The following RP1L1 variants were observed in gnomAD, a reference collection of about 807,000 sequenced individuals.
The protein encoded by RP1L1 is RP1 like 1.
Under a neutral mutation model 15.7 loss-of-function variants are expected in RP1L1, and 27 were observed. The ratio of observed to expected loss-of-function variants is 1.72; its 90% CI spans 1.27 to 2.38. RP1L1 has a LOEUF of 2.38. Among genes scored for constraint, RP1L1 ranks in the 30% most tolerant of loss-of-function variants. The pLI, the probability that RP1L1 is intolerant of heterozygous loss-of-function variation, is 0.00. For synonymous variants in RP1L1, 1,813 were observed against 1,276.7 expected, an observed-to-expected ratio of 1.42 and a Z score of -8.96; for missense variants, 4,798 against 3,075.9, an observed-to-expected ratio of 1.56 and a Z score of -13.24.
chr8:10,610,424 G>A lies in RP1L1; in HGVS notation c.3674C>T (p.Thr1225Ile), dbSNP rs1288030492. 1.2e-6 allele frequency: 2 copies of A among 1,613,764 alleles called. No individual in the cohort carries two copies. The highest frequency in any genetic ancestry group is 1.3e-5 in the African/African-American group (1 of 74,914). Residue 1225 changes from threonine to isoleucine, a missense_variant, in exon 4 of 4, where the codon ACA becomes ATA. Thr to Ile is a moderately conservative substitution (Grantham distance 89). Coordinates refer to ENST00000382483, the MANE Select transcript of RP1L1 (RefSeq NM_178857.6). ...TTTCAGGGGCAGCTCTGTCCCCTGT[G>A]TCACCAGGGTGCCGTCCATGGCACA... is the stretch of plus-strand genomic sequence containing the variant. Reference protein sequence around the residue: ...VPCAMDGTLVTQGTELPLKTS... With the variant: ...VPCAMDGTLVIQGTELPLKTS...
In RP1L1 at chr8:10,610,321, T is replaced by G; in HGVS notation, c.3777A>C (p.Pro1259=). 1 of 1,614,194 alleles carries G rather than the reference T, an allele frequency of 6.2e-7. No homozygotes were observed. Among genetic ancestry groups the G allele is most frequent in the Non-Finnish European group, 8.5e-7 (1 of 1,180,040 alleles). Residue 1259 remains proline, a synonymous_variant, in exon 4 of 4, where the codon CCA becomes CCC. Transcript: ENST00000382483. ...DLENQQQCCF[P]TFLNARACAC... ...CGCAGGCTCGGGCGTTCAAGAAGGT[T>G]GGGAAACAACACTGCTGTTGGTTTT... is the stretch of plus-strand genomic sequence containing the variant.
chr8:10,614,782 G>A (rs117434978), intron 3 of RP1L1, among the ~76,000 whole-genome samples: 10,122 of 151,678 alleles, frequency 0.067, 478 homozygotes, highest in Non-Finnish European at 0.1. Flanking sequence ...CCATCTCCTG[G>A]GGGGAGGGGG....
At chr8:10,627,850 A>T (rs1309677538) in intron 1 of RP1L1, among the ~76,000 whole-genome samples, 1 of 152,128 alleles carries the variant, frequency 6.6e-6, no homozygotes, top group Non-Finnish European at 1.5e-5. Flanking sequence ...AGAGTAACAG[A>T]GCAAGTAGGC....
chr8:10,631,378 A>AACACACATGCATTC (rs540747362), intron 1 of RP1L1, among the ~76,000 whole-genome samples: 5 of 3,786 alleles, frequency 1.3e-3, no homozygotes, highest in African/African-American at 2.0e-3. Flanking sequence ...CATGCACACA[A>AACACACATGCATTC]ACACACATGC....
At chr8:10,627,724 G>A (rs750537613) in intron 1 of RP1L1, among the ~76,000 whole-genome samples, 2 of 152,140 alleles carry the variant, frequency 1.3e-5, no homozygotes, top group Non-Finnish European at 2.9e-5. Flanking sequence ...CCCCTTAAGA[G>A]GAGGACATCT....
At chr8:10,628,512 C>A (rs966053562) in intron 1 of RP1L1, among the ~76,000 whole-genome samples, 1 of 152,120 alleles carries the variant, frequency 6.6e-6, no homozygotes, top group Non-Finnish European at 1.5e-5. Flanking sequence ...GAAGCCCAGG[C>A]TAAGAACCTG....
rs747539004 is a variant in RP1L1 at position 10,610,554 on chromosome 8, G to T, written c.3544C>A (p.Pro1182Thr). 6 of 1,613,548 alleles carry T rather than the reference G, an allele frequency of 3.7e-6. No individual in the cohort carries two copies. In the Admixed American group the frequency reaches 8.3e-5, roughly 22 times the overall value. ...LWELTWSQAL[P>T]DLGSHAMTEN... is the part of the protein sequence containing the mutation. The stretch of plus-strand genomic sequence containing the variant: ...GTCATGGCATGGGACCCAAGGTCTG[G>T]CAGAGCCTGGCTCCATGTGAGCTCC... The change falls in exon 4 of 4, where the codon CCA becomes ACA. Residue 1182 changes from proline (P) to threonine (T), a missense_variant. Physicochemically the swap from Pro to Thr is conservative, Grantham distance 38. Transcript: ENST00000382483.
chr8:10,638,193 A>T (rs948000132), intron 1 of RP1L1, among the ~76,000 whole-genome samples: 3 of 152,278 alleles, frequency 2.0e-5, no homozygotes, highest in African/African-American at 7.2e-5. Flanking sequence ...GAACCCAAAA[A>T]TACCGATATG....
At chr8:10,629,368 A>G (rs532855104) in intron 1 of RP1L1, among the ~76,000 whole-genome samples, 7 of 152,306 alleles carry the variant, frequency 4.6e-5, no homozygotes, top group African/African-American at 1.7e-4. Flanking sequence ...ATAGTCACAG[A>G]TAGATGGAGC....
intron 1 of RP1L1, among the ~76,000 whole-genome samples, chr8:10,652,367 G>T (rs552421765): frequency 6.6e-6 from 1 of 152,186 alleles, no homozygotes; most frequent in African/African-American, 2.4e-5. Flanking sequence ...AGAAGGGTTG[G>T]GGGCCTCCTC....
chr8:10,611,943 G>A lies in RP1L1; in HGVS notation c.2155C>T (p.Leu719=). 1 of 1,613,904 alleles carries A rather than the reference G, an allele frequency of 6.2e-7. No individual in the cohort carries two copies. Among genetic ancestry groups the A allele is most frequent in the South Asian group, 1.1e-5 (1 of 91,092 alleles). The change falls in exon 4 of 4, where the codon CTG becomes TTG. Residue 719 remains leucine (L), a synonymous_variant. Coordinates refer to ENST00000382483, the MANE Select transcript of RP1L1 (RefSeq NM_178857.6). Reference sequence around the variant, plus strand: ...AGAGAGCCCGAGGAGGGAGGTCTCAGGTTCCCAGAGGCCTGTGTCCTGGTG... The same window carrying A: ...AGAGAGCCCGAGGAGGGAGGTCTCAAGTTCCCAGAGGCCTGTGTCCTGGTG... The part of the protein sequence containing the change: ...SSTRTQASGN[L]RPPSSGSLPS...
intron 1 of RP1L1, among the ~76,000 whole-genome samples, chr8:10,633,234 C>A (rs1798278652): frequency 6.6e-6 from 1 of 152,178 alleles, no homozygotes; most frequent in African/African-American, 2.4e-5. Flanking sequence ...AAGCCGCAGC[C>A]AGGTCAGGGA....
intron 1 of RP1L1, among the ~76,000 whole-genome samples, chr8:10,637,024 G>A (rs180839464): frequency 6.6e-6 from 1 of 152,334 alleles, no homozygotes; most frequent in Admixed American, 6.5e-5. Context: ...ACAAAGCATC[G>A]TCACTCACTC....
At chr8:10,645,742 G>A (rs745917851) in intron 1 of RP1L1, among the ~76,000 whole-genome samples, 7 of 152,128 alleles carry the variant, frequency 4.6e-5, no homozygotes, top group Non-Finnish European at 7.3e-5. Context: ...GGACACCTGC[G>A]AGTGATGGCA....
intron 1 of RP1L1, among the ~76,000 whole-genome samples, chr8:10,646,260 A>G (rs1403478371): frequency 1.3e-5 from 2 of 152,106 alleles, no homozygotes; most frequent in Non-Finnish European, 2.9e-5. Context: ...TCTCCATTTT[A>G]TGGTGGAGGA....
At chr8:10,620,710 G>A (rs1023173857) in intron 2 of RP1L1, among the ~76,000 whole-genome samples, 1 of 152,236 alleles carries the variant, frequency 6.6e-6, no homozygotes. Context: ...AGGCAACAAG[G>A]AAGTTCTGTG....
chr8:10,613,818 G>C (rs1186811072), intron 3 of RP1L1, among the ~76,000 whole-genome samples: 1 of 151,776 alleles, frequency 6.6e-6, no homozygotes, highest in African/African-American at 2.4e-5. Context: ...AGCATGATAA[G>C]GGCAGAGCTA....
intron 2 of RP1L1, among the ~76,000 whole-genome samples, chr8:10,618,624 C>T (rs546108877): frequency 2.6e-5 from 4 of 152,120 alleles, no homozygotes; most frequent in South Asian, 2.1e-4. Context: ...CCCAGGAGGT[C>T]GAGGCTGCAA....
In RP1L1 at chr8:10,610,647, G is replaced by C; in HGVS notation, c.3451C>G (p.Leu1151Val). ...GGCCACAGGTCCTTCGAGATGCTGA[G>C]CAGCTCCTGGTACCGAGGGGAGTCT... is the stretch of plus-strand genomic sequence containing the variant. ...FKDSPRYQEL[L>V]SISKDLWPGC... Residue 1151 changes from leucine (L) to valine (V), a missense_variant, in exon 4 of 4, where the codon CTC (leucine) becomes GTC (valine). Transcript: ENST00000382483. 8 of 1,612,310 alleles carry C rather than the reference G, an allele frequency of 5.0e-6. No individual in the cohort carries two copies. The highest frequency in any genetic ancestry group is 1.1e-5 in the South Asian group (1 of 90,932).
Sources: allele counts gnomAD v4.1 joint callset (sites outside exome capture counted in the v4.1 genomes callset), GRCh38; gene constraint gnomAD v4.1.1; transcripts MANE v1.5; gene names NCBI Gene and HGNC (gene_info 2026-07-23, HGNC 2026-07-21).